Variants in CCDC171 observed in about 807,000 individuals in gnomAD.
CCDC171 encodes coiled-coil domain-containing protein 171.
A neutral mutation model predicts 168.2 loss-of-function variants in CCDC171; 177 were observed. The ratio of observed to expected loss-of-function variants is 1.05; its 90% CI spans 0.93 to 1.19. CCDC171 has a LOEUF of 1.19. Ranked by LOEUF, CCDC171 falls within the 50% of genes most tolerant of loss-of-function variation. The pLI, the probability that CCDC171 is intolerant of heterozygous loss-of-function variation, is 0.00. For missense variants in CCDC171, 1,991 were observed against 1,539.0 expected (o/e 1.29, Z -4.91); for synonymous variants, 687 against 540.8 (o/e 1.27, Z -3.75).
chr9:15,566,020 T>C (rs1489846576), intron 2 of CCDC171, among the ~76,000 whole-genome samples: 1 of 152,174 alleles, frequency 6.6e-6, no homozygotes, highest in African/African-American at 2.4e-5. Flanking sequence ...CCAATACTGG[T>C]TTTTATCTAT....
At chr9:15,652,185 A>T (rs921671588) in intron 7 of CCDC171, among the ~76,000 whole-genome samples, 2 of 152,184 alleles carry the variant, frequency 1.3e-5, no homozygotes, top group African/African-American at 4.8e-5. Context: ...TATTTAGGTC[A>T]TTGATCCATT....
At chr9:15,992,329 C>T (rs57663713) in intron 3 of CCDC171, among the ~76,000 whole-genome samples, 11,694 of 152,078 alleles carry the variant, frequency 0.077, 1,477 homozygotes, top group African/African-American at 0.27. Flanking sequence ...AGACAGAAAC[C>T]ACATGATTAT....
At chr9:15,728,574 G>A (rs1284410693) in intron 15 of CCDC171, among the ~76,000 whole-genome samples, 1 of 152,172 alleles carries the variant, frequency 6.6e-6, no homozygotes, top group African/African-American at 2.4e-5. Context: ...TGCAAAAAGT[G>A]TATTTTATAG....
At position 15,842,123 on chromosome 9, in the gene CCDC171, T is replaced by C. The variant is rs542867197; in HGVS notation, c.3268-4579T>C. Among the ~76,000 whole-genome samples, 35 of 152,186 alleles carry C rather than the reference T, an allele frequency of 2.3e-4. 1 individual carries two copies. The South Asian group carries it at 7.1e-3, about 31-fold the overall frequency. On this transcript the variant is annotated intron_variant, in intron 21 of 25. Transcript: ENST00000380701. ...AACCTAGTTCTTATAACACTTGTGT[T>C]GTCTTGCCTTTCATTTTGTATGACT...
chr9:15,823,093 C>A (rs1235252566), intron 21 of CCDC171, among the ~76,000 whole-genome samples: 1 of 152,012 alleles, frequency 6.6e-6, no homozygotes, highest in Admixed American at 6.6e-5. Context: ...GGAGAAAAAA[C>A]CAAACACTGC....
intron 21 of CCDC171, among the ~76,000 whole-genome samples, chr9:15,788,145 C>T (rs2058064458): frequency 6.6e-6 from 1 of 152,094 alleles, no homozygotes; most frequent in Admixed American, 6.6e-5. Flanking sequence ...AAAATGCTCT[C>T]TTGTGGGAGG....
At chr9:15,700,083 G>A (rs766224454) in intron 11 of CCDC171, among the ~76,000 whole-genome samples, 2 of 152,202 alleles carry the variant, frequency 1.3e-5, no homozygotes, top group African/African-American at 2.4e-5. Flanking sequence ...ACTGGGTGCC[G>A]TGGAGCAGGG....
chr9:15,823,456 G>T (rs991387593), intron 21 of CCDC171, among the ~76,000 whole-genome samples: 1 of 151,984 alleles, frequency 6.6e-6, no homozygotes, highest in Non-Finnish European at 1.5e-5. Context: ...TATTTTTAGT[G>T]TAGTTTGAGA....
intron 21 of CCDC171, among the ~76,000 whole-genome samples, chr9:15,810,821 A>G (rs1231715088): frequency 6.6e-6 from 1 of 152,214 alleles, no homozygotes; most frequent in East Asian, 1.9e-4. Flanking sequence ...AGCTGGCTTC[A>G]GCATGGGCCG....
intron 23 of CCDC171, among the ~76,000 whole-genome samples, chr9:15,874,001 C>G (rs1817522584): frequency 6.6e-6 from 1 of 152,086 alleles, no homozygotes; most frequent in South Asian, 2.1e-4. Flanking sequence ...GTGAAAAGGG[C>G]AAACAAACCT....
the CCDC171 span, among the ~76,000 whole-genome samples, chr9:16,097,793 A>G: frequency 6.6e-6 from 1 of 152,206 alleles, no homozygotes; most frequent in Non-Finnish European, 1.5e-5. Context: ...AACGAATCTG[A>G]TCTGTGTTAT....
At chr9:16,088,406 G>T in the CCDC171 span, among the ~76,000 whole-genome samples, 5 of 152,284 alleles carry the variant, frequency 3.3e-5, no homozygotes, top group East Asian at 3.9e-4. Context: ...AATGTATTCA[G>T]ATAGGAAGAG....
intron 18 of CCDC171, among the ~76,000 whole-genome samples, chr9:15,763,266 A>T (rs1030936057): frequency 6.6e-6 from 1 of 152,224 alleles, no homozygotes; most frequent in Non-Finnish European, 1.5e-5. Flanking sequence ...TGACCAACCC[A>T]GGAAGCTCAC....
chr9:16,013,381 C>G (rs766655421), intron 3 of CCDC171, among the ~76,000 whole-genome samples: 3 of 152,150 alleles, frequency 2.0e-5, no homozygotes, highest in Non-Finnish European at 4.4e-5. Context: ...AGGTGTAGTT[C>G]TCTTTATATC....
intron 1 of CCDC171, among the ~76,000 whole-genome samples, chr9:16,055,140 C>A (rs563049989): frequency 2.7e-4 from 41 of 152,220 alleles, no homozygotes; most frequent in African/African-American, 9.6e-4. Context: ...TTGACCTGAG[C>A]ATTTAGAAAA....
At chr9:15,988,120 G>A (rs974682686) in intron 3 of CCDC171, among the ~76,000 whole-genome samples, 8 of 152,154 alleles carry the variant, frequency 5.3e-5, no homozygotes, top group African/African-American at 1.9e-4. Flanking sequence ...GAAAAAAATT[G>A]TGTTCAGGGT....
At chr9:16,003,797 C>A (rs747724109) in intron 3 of CCDC171, among the ~76,000 whole-genome samples, 1 of 152,176 alleles carries the variant, frequency 6.6e-6, no homozygotes, top group Non-Finnish European at 1.5e-5. Context: ...ATTGGGATGT[C>A]CTACTTTCCC....
At chr9:15,884,267 A>AT (rs1819088638) in intron 24 of CCDC171, among the ~76,000 whole-genome samples, 1 of 81,644 alleles carries the variant, frequency 1.2e-5, no homozygotes, top group Non-Finnish European at 3.3e-5. Context: ...TTGGGTGATT[A>AT]TGAGGATCCT....
At position 15,666,188 on chromosome 9, in the gene CCDC171, C is replaced by T; in HGVS notation, c.941C>T (p.Ala314Val). The T allele has an allele frequency of 6.2e-7, 1 of 1,613,706 alleles. No homozygotes were observed. The highest frequency in any genetic ancestry group is 8.5e-7 in the Non-Finnish European group (1 of 1,179,884). The change falls in exon 9 of 26, where the codon GCT (alanine) becomes GTT (valine). Residue 314 changes from alanine (A) to valine (V), a missense_variant. Ala to Val is a moderately conservative substitution (Grantham distance 64). Coordinates refer to ENST00000380701, the MANE Select transcript of CCDC171 (RefSeq NM_173550.4). ...TTACGGATTCGAGACCTTGAAGGAG[C>T]TTTGCAAGTAGAGAAGGCCAGTCAA... is the stretch of plus-strand genomic sequence containing the variant. ...IQLRIRDLEGALQVEKASQAE... is the reference protein window; with the variant it reads ...IQLRIRDLEGVLQVEKASQAE...
Sources: gnomAD v4.1 joint callset for allele counts (sites outside exome capture counted in the v4.1 genomes callset) on GRCh38, gnomAD v4.1.1 for gene constraint, MANE v1.5 for transcripts, NCBI Gene and HGNC (gene_info 2026-07-23, HGNC 2026-07-21) for gene names.